The following MECOM variants were observed in gnomAD, a reference collection of about 807,000 sequenced individuals.
The protein encoded by MECOM is histone-lysine N-methyltransferase MECOM.
A neutral mutation model predicts 116.3 loss-of-function variants in MECOM; 13 were observed. The observed-to-expected ratio is 0.11, with a 90% CI of 0.07 to 0.18. MECOM has a LOEUF of 0.18. Among genes scored for constraint, MECOM ranks in the 10% least tolerant of loss-of-function variants. MECOM has a pLI of 1.00. For missense variants in MECOM, 1,299 were observed against 1,509.0 expected, an observed-to-expected ratio of 0.86 and a Z score of 2.31; for synonymous variants, 528 against 535.2, an observed-to-expected ratio of 0.99 and a Z score of 0.19.
intron 2 of MECOM, among the ~76,000 whole-genome samples, chr3:169,277,533 C>T (rs944527774): frequency 2.0e-5 from 3 of 152,170 alleles, no homozygotes; most frequent in African/African-American, 7.2e-5. Flanking sequence ...CCAGCTCCAT[C>T]ACTCTCCCAG....
intron 1 of MECOM, among the ~76,000 whole-genome samples, chr3:169,385,103 C>CAAAAAA (rs751654546): frequency 2.5e-5 from 2 of 81,326 alleles, no homozygotes. Context: ...GACCCTGTCT[C>CAAAAAA]AAAAAAAAAA....
chr3:169,288,342 C>T (rs1036097987), intron 2 of MECOM, among the ~76,000 whole-genome samples: 1 of 151,250 alleles, frequency 6.6e-6, no homozygotes, highest in Admixed American at 6.6e-5. Context: ...CAAATCATTG[C>T]TACAACATAA....
At position 169,208,888 on chromosome 3, in the gene MECOM, T is replaced by A. The variant is rs1238712674; in HGVS notation, c.376-65056A>T. ...AAAAGAGCCTGTATAGCCAAGACAA[T>A]CGTAAGCAAAAAAAAAAAAACAAAG... On this transcript the variant is annotated intron_variant, in intron 2 of 16. Transcript: ENST00000651503. 3.2e-4 allele frequency among the ~76,000 whole-genome samples: 44 copies of A among 136,424 alleles called. 1 individual carries two copies. In the Admixed American group the frequency reaches 3.2e-3, roughly 10 times the overall value. The allele number at this position is 136,424 out of a possible 152,430, so 89.5% of individuals were successfully genotyped here.
At chr3:169,471,937 T>C (rs1421159028) in intron 1 of MECOM, among the ~76,000 whole-genome samples, 1 of 152,222 alleles carries the variant, frequency 6.6e-6, no homozygotes, top group Non-Finnish European at 1.5e-5. Flanking sequence ...GTTGTCCACA[T>C]GTCTTGAACT....
intron 1 of MECOM, among the ~76,000 whole-genome samples, chr3:169,546,234 CCTGT>C (rs1328490279): frequency 6.6e-6 from 1 of 152,018 alleles, no homozygotes; most frequent in East Asian, 1.9e-4. Flanking sequence ...CGTGGCAATT[CCTGT>C]CTATCTCTTA....
At chr3:169,259,533 G>A (rs923893993) in intron 2 of MECOM, among the ~76,000 whole-genome samples, 1 of 151,888 alleles carries the variant, frequency 6.6e-6, no homozygotes, top group Admixed American at 6.6e-5. Flanking sequence ...GACCAGCCTG[G>A]GCAACATAGC....
chr3:169,283,825 G>A (rs564496205), intron 2 of MECOM, among the ~76,000 whole-genome samples: 185 of 152,166 alleles, frequency 1.2e-3, no homozygotes, highest in African/African-American at 4.4e-3. Flanking sequence ...AAAATCACCT[G>A]TATTTTTTTT....
intron 2 of MECOM, among the ~76,000 whole-genome samples, chr3:169,237,405 A>C (rs1258773166): frequency 6.6e-6 from 1 of 152,140 alleles, no homozygotes; most frequent in Non-Finnish European, 1.5e-5. Context: ...GTAACTCACT[A>C]TAGTATTCAA....
chr3:169,116,202 A>G lies in MECOM; in HGVS notation c.1670T>C (p.Val557Ala), dbSNP rs890481809. The part of the protein sequence containing the change: ...KHPSVGDNKP[V>A]ELQPERSSEE... Reference sequence around the variant, plus strand: ...AGAGGACCTCTCGGGCTGGAGCTCCACTGGCTTATTGTCCCCTACAGATGG... The same window carrying G: ...AGAGGACCTCTCGGGCTGGAGCTCCGCTGGCTTATTGTCCCCTACAGATGG... Residue 557 changes from valine to alanine, a missense_variant, in exon 8 of 17, where the codon GTG (valine) becomes GCG (alanine). Val to Ala is a moderately conservative substitution (Grantham distance 64). Around this residue, in one of 6 missense-constraint regions of MECOM, gnomAD observed 238 missense variants for 273.1 expected, o/e 0.87. Transcript: ENST00000651503. 6.2e-7 allele frequency: 1 copy of G among 1,614,116 alleles called. No individual in the cohort carries two copies. The highest frequency in any genetic ancestry group is 8.5e-7 in the Non-Finnish European group (1 of 1,180,024).
At chr3:169,456,914 G>A (rs1746612087) in intron 1 of MECOM, among the ~76,000 whole-genome samples, 1 of 152,130 alleles carries the variant, frequency 6.6e-6, no homozygotes, top group Non-Finnish European at 1.5e-5. Flanking sequence ...GAAAACCAAG[G>A]ACTGAAACCA....
At chr3:169,113,654 C>A (rs1385588247) in intron 8 of MECOM, among the ~76,000 whole-genome samples, 1 of 151,730 alleles carries the variant, frequency 6.6e-6, no homozygotes, top group Non-Finnish European at 1.5e-5. Flanking sequence ...GAAATAATAT[C>A]CCTATGTTGA....
Position 169,551,013 on chromosome 3 carries a change from C to T in MECOM, c.37+112323G>A, listed in dbSNP as rs1332113885. Among the ~76,000 whole-genome samples the T allele has an allele frequency of 4.2e-5, 4 of 96,038 alleles. 1 individual carries two copies. The highest frequency in any genetic ancestry group is 6.4e-5 in the African/African-American group (2 of 31,278). 63.0% of individuals were successfully genotyped at this position (96,038 alleles called of 152,430 possible). ...TAATTTTTTGTATTTTTAGTAGAGACGGGGTTTCACCGTTTTAGCCGGGAT... is the reference window on the plus strand; with the variant it reads ...TAATTTTTTGTATTTTTAGTAGAGATGGGGTTTCACCGTTTTAGCCGGGAT... On this transcript the variant is annotated intron_variant, in intron 1 of 16. Transcript: ENST00000651503.
intron 1 of MECOM, chr3:169,470,345 G>C (rs1339049366): frequency 6.6e-6 from 1 of 152,166 alleles, no homozygotes; most frequent in East Asian, 1.9e-4. Context: ...TTTAACATTA[G>C]CAAGAATTCC....
At chr3:169,250,886 A>C (rs1420935050) in intron 2 of MECOM, among the ~76,000 whole-genome samples, 2 of 152,206 alleles carry the variant, frequency 1.3e-5, no homozygotes, top group Non-Finnish European at 2.9e-5. Context: ...TCTGGCCAGC[A>C]TTTTGAGAAT....
At chr3:169,609,791 A>G (rs1769030888) in intron 1 of MECOM, among the ~76,000 whole-genome samples, 1 of 152,198 alleles carries the variant, frequency 6.6e-6, no homozygotes, top group Admixed American at 6.5e-5. Flanking sequence ...TTAAAATTTC[A>G]TTATTAATAG....
intron 2 of MECOM, among the ~76,000 whole-genome samples, chr3:169,340,889 G>A (rs939312429): frequency 6.6e-6 from 1 of 152,086 alleles, no homozygotes; most frequent in African/African-American, 2.4e-5. Context: ...ATATATTTTT[G>A]CAGAGGGAAA....
intron 1 of MECOM, among the ~76,000 whole-genome samples, chr3:169,460,717 G>A (rs1331659982): frequency 1.3e-5 from 2 of 152,098 alleles, no homozygotes; most frequent in Non-Finnish European, 2.9e-5. Context: ...CAAGAAATTG[G>A]ACAAGTACCA....
chr3:169,367,652 T>C (rs529116310), intron 2 of MECOM, among the ~76,000 whole-genome samples: 40 of 152,098 alleles, frequency 2.6e-4, no homozygotes, highest in African/African-American at 8.9e-4. Context: ...TTAAGAAGTA[T>C]CAACAAATTA....
At chr3:169,384,183 T>G (rs934543856) in intron 1 of MECOM, among the ~76,000 whole-genome samples, 3 of 152,228 alleles carry the variant, frequency 2.0e-5, no homozygotes, top group African/African-American at 7.2e-5. Flanking sequence ...TAACAAACAC[T>G]TGTTAAATAT....
Sources: allele counts gnomAD v4.1 joint callset (sites outside exome capture counted in the v4.1 genomes callset), GRCh38; gene constraint gnomAD v4.1.1; regional missense constraint gnomAD v4.1.1; transcripts MANE v1.5; gene names NCBI Gene and HGNC (gene_info 2026-07-23, HGNC 2026-07-21).